Variants in PCDH9 observed in about 807,000 individuals in gnomAD.
PCDH9 encodes the protein protocadherin 9, also known as protocadherin-9.
PCDH9 carries 24 observed loss-of-function variants against 70.6 expected under a neutral mutation model. The ratio of observed to expected loss-of-function variants is 0.34; its 90% CI spans 0.25 to 0.48. PCDH9 has a LOEUF of 0.48. Among genes scored for constraint, PCDH9 ranks in the 20% least tolerant of loss-of-function variants. The probability of loss-of-function intolerance (pLI) is 0.99; values close to 1 mark genes in which losing one functional copy is unlikely to be tolerated. For synonymous variants in PCDH9, 562 were observed against 558.5 expected, an observed-to-expected ratio of 1.01 and a Z score of -0.09; for missense variants, 1,281 against 1,503.6, an observed-to-expected ratio of 0.85 and a Z score of 2.45.
chr13:66,837,176 C>T (rs2081036303), intron 3 of PCDH9, among the ~76,000 whole-genome samples: 1 of 152,124 alleles, frequency 6.6e-6, no homozygotes, highest in Non-Finnish European at 1.5e-5. Flanking sequence ...TTAGCTGATG[C>T]TTTTTATTTT....
At chr13:66,653,869 G>A (rs1218109774) in intron 3 of PCDH9, among the ~76,000 whole-genome samples, 1 of 151,818 alleles carries the variant, frequency 6.6e-6, no homozygotes, top group Non-Finnish European at 1.5e-5. Flanking sequence ...TTGGCAGGCT[G>A]AGGCAGGAGA....
intron 3 of PCDH9, among the ~76,000 whole-genome samples, chr13:66,658,017 G>A (rs1381240693): frequency 6.6e-6 from 1 of 152,118 alleles, no homozygotes; most frequent in African/African-American, 2.4e-5. Flanking sequence ...AAATTTTACT[G>A]GGTATAAGAA....
chr13:66,953,728 G>A (rs2083222440), intron 2 of PCDH9, among the ~76,000 whole-genome samples: 4 of 152,130 alleles, frequency 2.6e-5, no homozygotes, highest in Non-Finnish European at 4.4e-5. Flanking sequence ...CCAGCATGTG[G>A]TATATGTGTG....
intron 2 of PCDH9, among the ~76,000 whole-genome samples, chr13:67,180,452 T>C (rs188505922): frequency 2.6e-5 from 4 of 152,262 alleles, no homozygotes. Flanking sequence ...CTGAAAGACA[T>C]GGTTCTGCTG....
At chr13:66,575,973 C>A (rs1003227549) in intron 4 of PCDH9, among the ~76,000 whole-genome samples, 4 of 147,836 alleles carry the variant, frequency 2.7e-5, no homozygotes, top group African/African-American at 1.0e-4. Context: ...AGGCATAGTA[C>A]AAAAAAGTCA....
At chr13:66,490,050 A>C (rs557803271) in intron 4 of PCDH9, among the ~76,000 whole-genome samples, 5 of 152,202 alleles carry the variant, frequency 3.3e-5, no homozygotes, top group Non-Finnish European at 7.4e-5. Flanking sequence ...TTACATATGT[A>C]TACTTGTGCC....
At chr13:66,990,441 C>T (rs2083978168) in intron 2 of PCDH9, among the ~76,000 whole-genome samples, 1 of 151,122 alleles carries the variant, frequency 6.6e-6, no homozygotes, top group African/African-American at 2.4e-5. Context: ...TATACATATA[C>T]ATATAGGTTA....
intron 4 of PCDH9, among the ~76,000 whole-genome samples, chr13:66,373,546 A>T (rs2138222868): frequency 6.6e-6 from 1 of 152,176 alleles, no homozygotes; most frequent in African/African-American, 2.4e-5. Flanking sequence ...AAGGAAAGAA[A>T]AAATGAAAGA....
chr13:66,944,813 GTC>G (rs1299943426), intron 2 of PCDH9, among the ~76,000 whole-genome samples: 32 of 118,792 alleles, frequency 2.7e-4, no homozygotes, highest in African/African-American at 8.5e-4. Flanking sequence ...TCTTCTAATC[GTC>G]TCTGTGTGTG....
At chr13:67,199,643 TA>T (rs1365614343) in intron 2 of PCDH9, among the ~76,000 whole-genome samples, 1 of 152,042 alleles carries the variant, frequency 6.6e-6, no homozygotes, top group Non-Finnish European at 1.5e-5. Flanking sequence ...TGGAAACCAT[TA>T]AAATAGGAAA....
intron 3 of PCDH9, among the ~76,000 whole-genome samples, chr13:66,781,697 T>A (rs535764844): frequency 6.6e-6 from 1 of 152,268 alleles, no homozygotes; most frequent in Non-Finnish European, 1.5e-5. Flanking sequence ...AAAAAACATA[T>A]AAATTCATGT....
intron 4 of PCDH9, among the ~76,000 whole-genome samples, chr13:66,574,752 G>T (rs74093362): frequency 6.6e-6 from 1 of 152,138 alleles, no homozygotes; most frequent in South Asian, 2.1e-4. Context: ...AGTCATTCTC[G>T]CCCTTCAACA....
At chr13:67,127,663 C>CAT (rs1261069230) in intron 2 of PCDH9, among the ~76,000 whole-genome samples, 31 of 116,496 alleles carry the variant, frequency 2.7e-4, no homozygotes, top group African/African-American at 5.9e-4. Context: ...ACTTTTTTAT[C>CAT]ATATATATAT....
intron 4 of PCDH9, among the ~76,000 whole-genome samples, chr13:66,609,891 C>A (rs2077269432): frequency 6.6e-6 from 1 of 150,978 alleles, no homozygotes; most frequent in South Asian, 2.1e-4. Context: ...TGATTAGAAG[C>A]AACATGTTAG....
chr13:66,322,531 C>T lies in PCDH9; in HGVS notation c.3341-17503G>A, dbSNP rs534814472. ...GATTTACCATCTTGCACTGACACAT[C>T]TTTTCTCAAACCATCTGCTTCCTTC... On this transcript the variant is annotated intron_variant, in intron 4 of 4. Transcript: ENST00000377865. 2.0e-5 allele frequency among the ~76,000 whole-genome samples: 3 copies of T among 152,142 alleles called. No individual in the cohort carries two copies. The South Asian group carries it at 6.2e-4, about 31-fold the overall frequency.
intron 3 of PCDH9, among the ~76,000 whole-genome samples, chr13:66,764,913 GA>G (rs1048753958): frequency 1.3e-5 from 2 of 151,802 alleles, no homozygotes; most frequent in Non-Finnish European, 1.5e-5. Flanking sequence ...GAAATTCATA[GA>G]AAAAAATTCA....
chr13:66,406,765 TA>T (rs1172157968), intron 4 of PCDH9, among the ~76,000 whole-genome samples: 2 of 152,128 alleles, frequency 1.3e-5, no homozygotes, highest in Admixed American at 6.5e-5. Context: ...AACAAACAAA[TA>T]ACTAAAACAA....
At chr13:66,617,876 G>A (rs1351148703) in intron 4 of PCDH9, among the ~76,000 whole-genome samples, 4 of 151,702 alleles carry the variant, frequency 2.6e-5, no homozygotes, top group African/African-American at 7.3e-5. Context: ...ACAAAACGGC[G>A]TCCCCTGTCA....
At chr13:66,861,177 G>C (rs2081477762) in intron 3 of PCDH9, among the ~76,000 whole-genome samples, 1 of 152,190 alleles carries the variant, frequency 6.6e-6, no homozygotes, top group South Asian at 2.1e-4. Flanking sequence ...TTGAAAGATA[G>C]TACTCTTGTG....
Sources: allele counts gnomAD v4.1 joint callset (sites outside exome capture counted in the v4.1 genomes callset), GRCh38; gene constraint gnomAD v4.1.1; transcripts MANE v1.5; gene names NCBI Gene and HGNC (gene_info 2026-07-23, HGNC 2026-07-21).